The following ASIC2 variants were observed in gnomAD, a reference collection of about 807,000 sequenced individuals.
ASIC2 encodes acid-sensing ion channel 2.
ASIC2 carries 25 observed loss-of-function variants against 57.3 expected under a neutral mutation model. The observed-to-expected ratio is 0.44, with a 90% CI of 0.32 to 0.61. The LOEUF is 0.61. ASIC2 is among the 20% of genes least tolerant of loss of function. The pLI is 0.06. For synonymous variants in ASIC2, 319 were observed against 307.5 expected (o/e 1.04, Z -0.39); for missense variants, 641 against 738.1 (o/e 0.87, Z 1.52).
intron 3 of ASIC2, among the ~76,000 whole-genome samples, chr17:33,035,478 G>C (rs1482454040): frequency 1.3e-5 from 2 of 152,158 alleles, no homozygotes; most frequent in East Asian, 3.8e-4. Flanking sequence ...TTTTGTTCTA[G>C]TAGGTGGTTA....
At chr17:33,197,966 C>G (rs1906704062) in intron 1 of ASIC2, among the ~76,000 whole-genome samples, 1 of 152,204 alleles carries the variant, frequency 6.6e-6, no homozygotes, top group Non-Finnish European at 1.5e-5. Context: ...CTGGGCCTCA[C>G]AGATGTTAGT....
Position 33,715,821 on chromosome 17 carries a change from T to C in ASIC2, c.555+440157A>G, listed in dbSNP as rs1597847121. Among the ~76,000 whole-genome samples, 4 of 152,200 alleles carry C rather than the reference T, an allele frequency of 2.6e-5. No individual in the cohort carries two copies. In the East Asian group the frequency reaches 7.7e-4, roughly 29 times the overall value. On this transcript the variant is annotated intron_variant, in intron 1 of 9. Coordinates refer to the ASIC2 transcript ENST00000359872. ...ATAAGATCATGTCCCTAGAGGTCAGTGTCAGGAGAAGAGCCAAACCACATT... is the reference window on the plus strand; with the variant it reads ...ATAAGATCATGTCCCTAGAGGTCAGCGTCAGGAGAAGAGCCAAACCACATT...
At chr17:33,374,404 C>T (rs1909200723) in intron 1 of ASIC2, among the ~76,000 whole-genome samples, 1 of 152,128 alleles carries the variant, frequency 6.6e-6, no homozygotes, top group Non-Finnish European at 1.5e-5. Context: ...GAGGTGGACT[C>T]AGTGCACGAG....
intron 1 of ASIC2, among the ~76,000 whole-genome samples, chr17:33,346,039 C>T: frequency 6.6e-6 from 1 of 151,758 alleles, no homozygotes; most frequent in Admixed American, 6.6e-5. Flanking sequence ...CCAGCCTGGG[C>T]AACATGGCAA....
At chr17:33,668,472 CA>C (rs1907551991) in intron 1 of ASIC2, among the ~76,000 whole-genome samples, 2 of 151,928 alleles carry the variant, frequency 1.3e-5, no homozygotes, top group Non-Finnish European at 2.9e-5. Flanking sequence ...CAGTAAGGGG[CA>C]AAGTTCTTCT....
At chr17:34,034,050 C>T (rs1189868584) in intron 1 of ASIC2, among the ~76,000 whole-genome samples, 2 of 152,120 alleles carry the variant, frequency 1.3e-5, no homozygotes, top group Non-Finnish European at 2.9e-5. Context: ...CTGGCAGAGA[C>T]ACAACCAAAA....
intron 1 of ASIC2, among the ~76,000 whole-genome samples, chr17:33,430,661 C>T (rs1054021638): frequency 6.6e-6 from 1 of 152,120 alleles, no homozygotes; most frequent in Non-Finnish European, 1.5e-5. Context: ...CCTGCAGCTG[C>T]CATGTGGAAA....
intron 1 of ASIC2, among the ~76,000 whole-genome samples, chr17:34,114,783 G>A (rs1325372573): frequency 6.6e-6 from 1 of 152,186 alleles, no homozygotes; most frequent in Non-Finnish European, 1.5e-5. Flanking sequence ...AGAGCTCATG[G>A]AGCAATCGCC....
intron 1 of ASIC2, among the ~76,000 whole-genome samples, chr17:33,547,811 T>A (rs899545271): frequency 6.6e-6 from 1 of 152,190 alleles, no homozygotes; most frequent in African/African-American, 2.4e-5. Flanking sequence ...GGAGACAGAA[T>A]GCTAGACCAG....
chr17:33,280,536 C>T (rs1904899782), intron 1 of ASIC2, among the ~76,000 whole-genome samples: 1 of 152,220 alleles, frequency 6.6e-6, no homozygotes, highest in East Asian at 1.9e-4. Flanking sequence ...TTGTTAGAGG[C>T]TGGGCCTGAC....
intron 1 of ASIC2, among the ~76,000 whole-genome samples, chr17:33,662,527 G>A (rs1189667174): frequency 6.6e-6 from 1 of 151,784 alleles, no homozygotes; most frequent in Non-Finnish European, 1.5e-5. Context: ...GGAGACTGAG[G>A]CAGGAGAATT....
chr17:33,188,721 A>AT (rs1906299539), intron 1 of ASIC2, among the ~76,000 whole-genome samples: 1 of 152,150 alleles, frequency 6.6e-6, no homozygotes, highest in African/African-American at 2.4e-5. Flanking sequence ...ATATATTTCA[A>AT]TAACAAAAGT....
chr17:33,829,272 C>T (rs1913032062), intron 1 of ASIC2, among the ~76,000 whole-genome samples: 1 of 152,220 alleles, frequency 6.6e-6, no homozygotes, highest in Non-Finnish European at 1.5e-5. Context: ...GAGTTAGAGA[C>T]ATAGAAACAG....
intron 1 of ASIC2, among the ~76,000 whole-genome samples, chr17:33,460,734 G>A (rs7219482): frequency 0.24 from 37,018 of 152,162 alleles, 4,606 homozygotes; most frequent in African/African-American, 0.27. Context: ...ATGACCCAGT[G>A]AGGTGCATAC....
At chr17:33,296,341 T>G (rs1480636910), upstream of ASIC2, among the ~76,000 whole-genome samples, 1 of 152,148 alleles carries the variant, frequency 6.6e-6, no homozygotes, top group Non-Finnish European at 1.5e-5. Context: ...ACTCCATCCC[T>G]GTGTTCTCCA....
At chr17:33,749,640 C>T (rs145180349) in intron 1 of ASIC2, among the ~76,000 whole-genome samples, 1 of 152,200 alleles carries the variant, frequency 6.6e-6, no homozygotes, top group Non-Finnish European at 1.5e-5. Flanking sequence ...GTGGGCTTGT[C>T]ATGCCCACCA....
At chr17:33,226,062 A>G (rs1907869379) in intron 1 of ASIC2, among the ~76,000 whole-genome samples, 2 of 152,204 alleles carry the variant, frequency 1.3e-5, no homozygotes, top group South Asian at 4.1e-4. Context: ...TCTACTAGGA[A>G]AGACAGGCAA....
intron 1 of ASIC2, among the ~76,000 whole-genome samples, chr17:33,462,572 C>T (rs1457089073): frequency 2.6e-5 from 4 of 152,152 alleles, no homozygotes; most frequent in Non-Finnish European, 5.9e-5. Flanking sequence ...CTGCAGCTGC[C>T]GTATGTGGGT....
chr17:33,060,768 C>A (rs967814859), intron 3 of ASIC2, among the ~76,000 whole-genome samples: 3 of 152,236 alleles, frequency 2.0e-5, no homozygotes, highest in African/African-American at 7.2e-5. Flanking sequence ...GCCATTTTCA[C>A]GATATTGATT....
Sources: gnomAD v4.1 joint callset for allele counts (sites outside exome capture counted in the v4.1 genomes callset) on GRCh38, gnomAD v4.1.1 for gene constraint, MANE v1.5 for transcripts, NCBI Gene and HGNC (gene_info 2026-07-23, HGNC 2026-07-21) for gene names.